Variants in ZNF423 observed in about 807,000 individuals in gnomAD.
ZNF423 encodes zinc finger protein 423.
Under a neutral mutation model 95.8 loss-of-function variants are expected in ZNF423, and 12 were observed. The observed-to-expected ratio is 0.13, with a 90% confidence interval of 0.08 to 0.20. The LOEUF is 0.20. Among genes scored for constraint, ZNF423 ranks in the 10% least tolerant of loss-of-function variants. The probability of loss-of-function intolerance (pLI) is 1.00; values close to 1 mark genes in which losing one functional copy is unlikely to be tolerated. For synonymous variants in ZNF423, 749 were observed against 711.9 expected (o/e 1.05, Z -0.83); for missense variants, 1,316 against 1,737.1 (o/e 0.76, Z 4.31).
chr16:49,657,209 C>CA (rs1158708028), intron 3 of ZNF423, among the ~76,000 whole-genome samples: 2 of 152,230 alleles, frequency 1.3e-5, no homozygotes, highest in Non-Finnish European at 2.9e-5. Flanking sequence ...TGTGTGACCT[C>CA]AAATCACAGA....
intron 4 of ZNF423, among the ~76,000 whole-genome samples, chr16:49,627,767 C>T (rs1349934420): frequency 6.7e-6 from 1 of 150,166 alleles, no homozygotes; most frequent in Non-Finnish European, 1.5e-5. Flanking sequence ...AACACCCACC[C>T]ACCCATCCAC....
chr16:49,507,186 A>G (rs1597016950), intron 7 of ZNF423, among the ~76,000 whole-genome samples: 1 of 152,240 alleles, frequency 6.6e-6, no homozygotes, highest in East Asian at 1.9e-4. Context: ...GTTAGATAAC[A>G]TATGTAAAAG....
At chr16:49,730,455 G>A (rs922297566) in intron 3 of ZNF423, 2 of 394,892 alleles carry the variant, frequency 5.1e-6, no homozygotes, top group African/African-American at 4.1e-5. Flanking sequence ...CTTAATTACT[G>A]CGTTTCCAAA....
chr16:49,856,614 C>T (rs1018640120), upstream of ZNF423, among the ~76,000 whole-genome samples: 4 of 151,350 alleles, frequency 2.6e-5, no homozygotes, highest in African/African-American at 9.7e-5. Flanking sequence ...AGCCGCGGCT[C>T]GGGGCCCCTG....
At chr16:49,793,007 T>A (rs1431494399) in intron 1 of ZNF423, among the ~76,000 whole-genome samples, 1 of 152,110 alleles carries the variant, frequency 6.6e-6, no homozygotes, top group Non-Finnish European at 1.5e-5. Context: ...TGGGCTCAAG[T>A]GATCTCCACC....
chr16:49,520,863 T>C (rs1257004746), intron 7 of ZNF423, among the ~76,000 whole-genome samples: 1 of 152,240 alleles, frequency 6.6e-6, no homozygotes. Flanking sequence ...AGAGCCATTA[T>C]TTGCATAGAT....
chr16:49,670,140 GGCAGGAGCTGCT>G (rs563587365), intron 3 of ZNF423, among the ~76,000 whole-genome samples: 1 of 152,212 alleles, frequency 6.6e-6, no homozygotes, highest in Non-Finnish European at 1.5e-5. Context: ...CCAGAGTGCA[GGCAGGAGCTGCT>G]GCAGCCCAGC....
intron 1 of ZNF423, among the ~76,000 whole-genome samples, chr16:49,823,852 T>C (rs1182394654): frequency 6.6e-6 from 1 of 151,960 alleles, no homozygotes; most frequent in East Asian, 1.9e-4. Context: ...TGTAATCCCA[T>C]GGGAAGACAG....
intron 5 of ZNF423, among the ~76,000 whole-genome samples, chr16:49,544,658 A>T (rs1969377413): frequency 6.6e-6 from 1 of 152,218 alleles, no homozygotes; most frequent in Admixed American, 6.5e-5. Context: ...TGAGATGTGG[A>T]GGCAGAGAGG....
chr16:49,810,044 T>C (rs962852519), intron 1 of ZNF423, among the ~76,000 whole-genome samples: 2 of 151,776 alleles, frequency 1.3e-5, no homozygotes, highest in African/African-American at 2.4e-5. Flanking sequence ...CCTTCCCCAC[T>C]CTTTGGCCTG....
chr16:49,753,158 C>A (rs1208431403), intron 2 of ZNF423, among the ~76,000 whole-genome samples: 1 of 150,576 alleles, frequency 6.6e-6, no homozygotes, highest in Non-Finnish European at 1.5e-5. Flanking sequence ...GCAGGAGAAT[C>A]ACTTGAACCC....
At chr16:49,513,593 C>A (rs1195045775) in intron 7 of ZNF423, among the ~76,000 whole-genome samples, 1 of 151,906 alleles carries the variant, frequency 6.6e-6, no homozygotes, top group Non-Finnish European at 1.5e-5. Flanking sequence ...GTTCTCTTTC[C>A]GACTTTCCAG....
intron 1 of ZNF423, among the ~76,000 whole-genome samples, chr16:49,791,198 A>C (rs1205178608): frequency 6.6e-6 from 1 of 152,228 alleles, no homozygotes; most frequent in Non-Finnish European, 1.5e-5. Flanking sequence ...CAAGACAATG[A>C]AATGCACAGA....
intron 2 of ZNF423, chr16:49,731,289 G>A (rs904203396): frequency 1.0e-6 from 1 of 984,218 alleles, no homozygotes; most frequent in Non-Finnish European, 1.2e-6. Context: ...ACCAGATTCA[G>A]TTACACACCT....
intron 3 of ZNF423, among the ~76,000 whole-genome samples, chr16:49,710,974 G>A (rs1264722964): frequency 2.0e-5 from 3 of 152,156 alleles, no homozygotes; most frequent in Non-Finnish European, 4.4e-5. Context: ...AAGCTGCCGG[G>A]TAGGCAGGTA....
intron 3 of ZNF423, among the ~76,000 whole-genome samples, chr16:49,657,161 C>G (rs2029920085): frequency 1.3e-5 from 2 of 152,202 alleles, no homozygotes; most frequent in Admixed American, 1.3e-4. Context: ...GTGACACGCT[C>G]CTTTGGCTGG....
intron 5 of ZNF423, among the ~76,000 whole-genome samples, chr16:49,585,587 T>G (rs1759468832): frequency 6.6e-6 from 1 of 152,280 alleles, no homozygotes; most frequent in African/African-American, 2.4e-5. Context: ...ATTTGTTAAC[T>G]GACTGTTGAG....
intron 1 of ZNF423, among the ~76,000 whole-genome samples, chr16:49,792,482 C>A (rs2143841430): frequency 6.6e-6 from 1 of 152,306 alleles, no homozygotes; most frequent in East Asian, 1.9e-4. Context: ...TGGGGAGGTC[C>A]AGAGTGGCAG....
At chr16:49,502,642 C>G (rs1222537015) in intron 7 of ZNF423, among the ~76,000 whole-genome samples, 1 of 152,016 alleles carries the variant, frequency 6.6e-6, no homozygotes. Context: ...TCCCTTCTAC[C>G]CTCCACAGTG....
Sources: allele counts gnomAD v4.1 joint callset (sites outside exome capture counted in the v4.1 genomes callset), GRCh38; gene constraint gnomAD v4.1.1; transcripts MANE v1.5; gene names NCBI Gene and HGNC (gene_info 2026-07-23, HGNC 2026-07-21).